The following DDX24 variants were observed in gnomAD, a reference collection of about 807,000 sequenced individuals.
The protein encoded by DDX24 is DEAD-box helicase 24.
Under a neutral mutation model 68.9 loss-of-function variants are expected in DDX24, and 24 were observed. The ratio of observed to expected loss-of-function variants is 0.35; its 90% CI spans 0.25 to 0.49. The LOEUF is 0.49. Ranked by LOEUF, DDX24 falls within the 20% of genes least tolerant of loss-of-function variation. The pLI is 0.99. For synonymous variants in DDX24, 395 were observed against 385.2 expected (o/e 1.03, Z -0.30); for missense variants, 989 against 1,039.0 (o/e 0.95, Z 0.66).
intron 2 of DDX24, among the ~76,000 whole-genome samples, chr14:94,070,003 TC>T (rs1318008002): frequency 6.6e-6 from 1 of 151,944 alleles, no homozygotes; most frequent in East Asian, 1.9e-4. Flanking sequence ...GTCCTGGAAG[TC>T]CTAGCCAGAG....
chr14:94,064,997 G>T (rs1168158930), intron 2 of DDX24, among the ~76,000 whole-genome samples: 6 of 152,070 alleles, frequency 3.9e-5, no homozygotes, highest in Non-Finnish European at 8.8e-5. Context: ...AGAGCTGGTT[G>T]TGAGTGTGGG....
intron 2 of DDX24, among the ~76,000 whole-genome samples, chr14:94,071,673 C>T (rs1268231057): frequency 2.6e-5 from 4 of 151,720 alleles, no homozygotes. Flanking sequence ...AAGCCGGGCA[C>T]AGTGGCTCAC....
intron 2 of DDX24, among the ~76,000 whole-genome samples, chr14:94,063,210 T>C (rs1885632852): frequency 6.6e-6 from 1 of 151,740 alleles, no homozygotes; most frequent in Admixed American, 6.6e-5. Flanking sequence ...TTACCATACA[T>C]CTCCAAAAAT....
intron 6 of DDX24, chr14:94,056,232 G>A (rs1478097162): frequency 6.6e-6 from 1 of 152,184 alleles, no homozygotes; most frequent in Non-Finnish European, 1.5e-5. Context: ...CCTGGCAAAG[G>A]AATCTCAAAA....
intron 2 of DDX24, among the ~76,000 whole-genome samples, chr14:94,077,234 A>G (rs892599165): frequency 7.9e-5 from 12 of 152,170 alleles, no homozygotes; most frequent in African/African-American, 2.9e-4. Flanking sequence ...TCCCCACATT[A>G]AGGGTCTATT....
intron 2 of DDX24, among the ~76,000 whole-genome samples, chr14:94,073,611 C>T (rs79239174): frequency 0.18 from 26,649 of 151,930 alleles, 3,827 homozygotes; most frequent in African/African-American, 0.4. Flanking sequence ...CATTTCATAA[C>T]GATAACAAGC....
chr14:94,075,453 A>C (rs535291973), intron 2 of DDX24, among the ~76,000 whole-genome samples: 67 of 152,306 alleles, frequency 4.4e-4, no homozygotes, highest in South Asian at 3.9e-3. Context: ...ATATGCAGAA[A>C]AACCCACAAA....
rs1024135543 is a variant in DDX24, at chr14:94,065,354, T to C, written c.719-2733A>G. On this transcript the variant is annotated intron_variant, in intron 2 of 8. Coordinates refer to ENST00000621632, the MANE Select transcript of DDX24 (RefSeq NM_020414.4). ...GGTGTGAGCCACTGCACCCGGCGTA[T>C]GGGTAGATCTTAATAGTATCTCTCT... Among the ~76,000 whole-genome samples the C allele has an allele frequency of 3.2e-5, 4 of 124,898 alleles. 1 individual carries two copies. The highest frequency in any genetic ancestry group is 2.4e-4 in the East Asian group (1 of 4,092). 81.9% of individuals were successfully genotyped at this position (124,898 alleles called of 152,430 possible).
intron 2 of DDX24, among the ~76,000 whole-genome samples, chr14:94,069,244 A>C (rs1025095075): frequency 3.3e-5 from 5 of 152,154 alleles, no homozygotes; most frequent in African/African-American, 9.6e-5. Context: ...ACACCTTTAC[A>C]CAGATAAACT....
chr14:94,052,883 G>A (rs759030743), intron 8 of DDX24, 115 bp downstream of exon 8: 30 of 1,415,196 alleles, frequency 2.1e-5, no homozygotes, highest in Non-Finnish European at 2.7e-5. Flanking sequence ...GCAAAGAGGG[G>A]GAAGGACGCC....
At chr14:94,065,116 C>T (rs2141428951) in intron 2 of DDX24, among the ~76,000 whole-genome samples, 1 of 150,916 alleles carries the variant, frequency 6.6e-6, no homozygotes, top group East Asian at 2.0e-4. Flanking sequence ...GTGGTACAAT[C>T]TCAGCTCACT....
chr14:94,077,033 TTTC>T (rs1383121981), intron 2 of DDX24, among the ~76,000 whole-genome samples: 2 of 152,260 alleles, frequency 1.3e-5, no homozygotes, highest in Non-Finnish European at 2.9e-5. Context: ...TCCTTACAAT[TTTC>T]TTAATAACAT....
intron 2 of DDX24, among the ~76,000 whole-genome samples, chr14:94,078,028 TAAA>T (rs559505980): frequency 7.0e-6 from 1 of 142,340 alleles, no homozygotes. Context: ...TTCGGGGGGG[TAAA>T]AAAAAAAAAA....
At chr14:94,057,630 A>C in intron 6 of DDX24, 192 bp downstream of exon 6, 1 of 551,592 alleles carries the variant, frequency 1.8e-6, no homozygotes, top group Non-Finnish European at 3.2e-6. Context: ...TTGACATGAG[A>C]CAAAGCAAGG....
At position 94,060,425 on chromosome 14, in the gene DDX24, A is replaced by C. The variant is rs370449400; in HGVS notation, c.1586T>G (p.Met529Arg). 1.2e-6 allele frequency: 2 copies of C among 1,613,376 alleles called. No individual in the cohort carries two copies. The highest frequency in any genetic ancestry group is 1.7e-6 in the Non-Finnish European group (2 of 1,179,830). ...GAGGTCAAGTTTGGCTGTTTTATCC[A>C]TTTTCTTGGTGTGCTTCTTATGAAG... ...RILHKKHTKK[M>R]DKTAKLDLLM... The change falls in exon 5 of 9, where the codon ATG becomes AGG. Residue 529 changes from methionine (M) to arginine (R), a missense_variant. Physicochemically the swap from Met to Arg is moderately conservative, Grantham distance 91. Transcript: ENST00000621632.
intron 2 of DDX24, among the ~76,000 whole-genome samples, chr14:94,076,930 C>G (rs1362261205): frequency 2.6e-5 from 4 of 152,310 alleles, no homozygotes; most frequent in Admixed American, 2.0e-4. Flanking sequence ...CCAACCCCTC[C>G]TCTTTCTACT....
At chr14:94,076,393 G>A (rs145750437) in intron 2 of DDX24, among the ~76,000 whole-genome samples, 3 of 152,128 alleles carry the variant, frequency 2.0e-5, no homozygotes, top group Non-Finnish European at 2.9e-5. Flanking sequence ...TCTAGAAAAC[G>A]CAAATTAGGC....
intron 1 of DDX24, among the ~76,000 whole-genome samples, chr14:94,080,532 T>C (rs1886051659): frequency 1.3e-5 from 2 of 152,030 alleles, no homozygotes; most frequent in African/African-American, 4.8e-5. Context: ...CTGAGTCTCT[T>C]ATTTCCCAGT....
At position 94,062,229 on chromosome 14, in the gene DDX24, G is replaced by T. The variant is rs930484982; in HGVS notation, c.1111C>A (p.Gln371Lys). The T allele has an allele frequency of 6.2e-7, 1 of 1,613,926 alleles. No individual in the cohort carries two copies. Among genetic ancestry groups the T allele is most frequent in the African/African-American group, 1.3e-5 (1 of 74,872 alleles). ...LDKEQTGNLK[Q>K]ELDDKSATCK... ...GTGGCGCTTTTGTCATCCAACTCCT[G>T]TTTTAGATTTCCAGTCTGCTCTTTA... The change falls in exon 3 of 9, where the codon CAG becomes AAG. Residue 371 changes from glutamine to lysine, a missense_variant. By Grantham distance (53) the Gln-to-Lys change is moderately conservative. Transcript: ENST00000621632.
Sources: gnomAD v4.1 joint callset for allele counts (sites outside exome capture counted in the v4.1 genomes callset) on GRCh38, gnomAD v4.1.1 for gene constraint, MANE v1.5 for transcripts, NCBI Gene and HGNC (gene_info 2026-07-23, HGNC 2026-07-21) for gene names.